The following POLI variants were observed in gnomAD, a reference collection of about 807,000 sequenced individuals.
POLI encodes the protein DNA polymerase iota, also known as RAD30 homolog B.
Under a neutral mutation model 51.6 loss-of-function variants are expected in POLI, and 58 were observed. That is an observed-to-expected ratio of 1.12 (90% CI 0.91 to 1.40). The LOEUF (loss-of-function observed/expected upper bound fraction) is 1.40. Ranked by LOEUF, POLI falls within the 40% of genes most tolerant of loss-of-function variation. POLI has a pLI of 0.00. For missense variants in POLI, 921 were observed against 871.3 expected, an observed-to-expected ratio of 1.06 and a Z score of -0.72; for synonymous variants, 322 against 299.7, an observed-to-expected ratio of 1.07 and a Z score of -0.77.
At chr18:54,271,149 C>G in intron 1 of POLI, 1 of 351,542 alleles carries the variant, frequency 2.8e-6, no homozygotes. Context: ...GAGAAAAACG[C>G]AGTGCACAAA....
downstream of POLI, among the ~76,000 whole-genome samples, chr18:54,299,470 T>C (rs908081351): frequency 1.3e-5 from 2 of 152,110 alleles, no homozygotes; most frequent in African/African-American, 4.8e-5. Context: ...TATAATAAAA[T>C]GTTGAATATC....
chr18:54,289,614 T>G lies in POLI; in HGVS notation c.1198+2203T>G, dbSNP rs112965579. Among the ~76,000 whole-genome samples, 1,134 of 145,060 alleles carry G rather than the reference T, an allele frequency of 7.8e-3. 27 individuals carry two copies. Among genetic ancestry groups the G allele is most frequent in the African/African-American group, 0.027 (1,077 of 39,396 alleles). On this transcript the variant is annotated intron_variant, in intron 8 of 9. Transcript: ENST00000579534. Reference sequence around the variant, plus strand: ...TACAGTAACCAAAACAGCATGGTACTGGCAGAAAAACAGAGATACAGAACA... The same window carrying G: ...TACAGTAACCAAAACAGCATGGTACGGGCAGAAAAACAGAGATACAGAACA...
At position 54,273,951 on chromosome 18, in the gene POLI, T is replaced by C; in HGVS notation, c.267T>C (p.Val89=). The part of the protein sequence containing the change: ...PLGVQQKYLV[V]TCNYEARKLG... ...GGGTTCAACAGAAATATTTGGTGGT[T>C]ACCTGCAACTATGAAGCTAGGAAAC... is the stretch of plus-strand genomic sequence containing the variant. Residue 89 remains valine, a synonymous_variant, in exon 3 of 10, where the codon GTT becomes GTC. Transcript: ENST00000579534. 2 of 1,562,536 alleles carry C rather than the reference T, an allele frequency of 1.3e-6. No homozygotes were observed. The highest frequency in any genetic ancestry group is 1.7e-6 in the Non-Finnish European group (2 of 1,155,994).
In POLI at chr18:54,310,287, A is replaced by T. The variant is rs1305824867; in HGVS notation, c.334-9986A>T. Among the ~76,000 whole-genome samples, 3 of 152,166 alleles carry T rather than the reference A, an allele frequency of 2.0e-5. No individual in the cohort carries two copies. In the East Asian group the frequency reaches 5.8e-4, roughly 29 times the overall value. The stretch of plus-strand genomic sequence containing the variant: ...TTTTCTAGTTCGCTGTTTTACTGAG[A>T]AGATAGTCCTTCAAGGTTCCTGAGC... On this transcript the variant is annotated intron_variant, in intron 3 of 4. Transcript: ENST00000579823.
intron 7 of POLI, among the ~76,000 whole-genome samples, chr18:54,285,501 G>T (rs978952850): frequency 2.1e-5 from 3 of 143,600 alleles, no homozygotes; most frequent in African/African-American, 7.9e-5. Context: ...TAAGTGACTT[G>T]CAAAAAAAAA....
Position 54,295,107 on chromosome 18 carries a change from G to A in POLI, c.*640G>A. ...AGGGTGGGGAGTTAAAGTGAGAGGA[G>A]GGTATATGTTATAGAGAACAGTGGT... On this transcript the variant is annotated 3_prime_UTR_variant, in exon 10 of 10. Coordinates refer to ENST00000579534, the MANE Select transcript of POLI (RefSeq NM_007195.3). 1 of 985,478 alleles carries A rather than the reference G, an allele frequency of 1.0e-6. No individual in the cohort carries two copies. The highest frequency in any genetic ancestry group is 1.2e-6 in the Non-Finnish European group (1 of 829,986). The allele number at this position is 985,478 out of a possible 1,614,324, so 61.0% of individuals were successfully genotyped here.
intron 2 of POLI, among the ~76,000 whole-genome samples, 160 bp downstream of exon 2, chr18:54,271,645 A>G (rs371343114): frequency 1.3e-5 from 2 of 152,204 alleles, no homozygotes; most frequent in African/African-American, 2.4e-5. Flanking sequence ...CCAAGTGTAA[A>G]TTTTACAAGC....
rs191663185 is a variant in POLI at position 54,311,127 on chromosome 18, C to T, written c.334-9146C>T. The stretch of plus-strand genomic sequence containing the variant: ...AGAAAGTGAAATCAGTATGCTGCCA[C>T]CCTGCCACTTCTTCTTGAAATCTGG... On this transcript the variant is annotated intron_variant, in intron 3 of 4. Coordinates refer to the POLI transcript ENST00000579823. The T allele has an allele frequency of 1.7e-5, 17 of 981,604 alleles. No individual in the cohort carries two copies. The East Asian group carries it at 1.9e-3, about 112-fold the overall frequency. The allele number at this position is 981,604 out of a possible 1,614,324, so 60.8% of individuals were successfully genotyped here.
intron 3 of POLI, among the ~76,000 whole-genome samples, chr18:54,306,697 C>T (rs1306614231): frequency 6.6e-6 from 1 of 152,150 alleles, no homozygotes; most frequent in Non-Finnish European, 1.5e-5. Context: ...GTGAATTCAT[C>T]TGTTCCTGGA....
At chr18:54,278,358 A>G (rs1037673526) in intron 4 of POLI, among the ~76,000 whole-genome samples, 1 of 152,214 alleles carries the variant, frequency 6.6e-6, no homozygotes, top group Admixed American at 6.5e-5. Context: ...TGGCTTCTTA[A>G]TATGCTTTTT....
In POLI at chr18:54,294,515, C is replaced by T. The variant is rs375194373; in HGVS notation, c.*48C>T. On this transcript the variant is annotated 3_prime_UTR_variant, in exon 10 of 10. Coordinates refer to ENST00000579534, the MANE Select transcript of POLI (RefSeq NM_007195.3). ...AAAAGCAAGGGAATACCATTATTTT[C>T]GGATTAGCGGTTTATTAAGCTCTTC... The T allele has an allele frequency of 1.7e-4, 257 of 1,515,110 alleles. No individual in the cohort carries two copies. The African/African-American group carries it at 2.8e-3, about 16-fold the overall frequency. The allele number at this position is 1,515,110 out of a possible 1,614,324, so 93.9% of individuals were successfully genotyped here.
At chr18:54,307,492 C>G (rs1231284172) in intron 3 of POLI, among the ~76,000 whole-genome samples, 2 of 152,142 alleles carry the variant, frequency 1.3e-5, no homozygotes, top group Non-Finnish European at 2.9e-5. Flanking sequence ...CTGAGGAGTG[C>G]TTTACCTCCA....
Position 54,294,882 on chromosome 18 carries a change from A to G in POLI, c.*415A>G, listed in dbSNP as rs1432382957. The G allele has an allele frequency of 1.0e-6, 1 of 984,090 alleles. No homozygotes were observed. Among genetic ancestry groups the G allele is most frequent in the Non-Finnish European group, 1.2e-6 (1 of 828,950 alleles). 61.0% of individuals were successfully genotyped at this position (984,090 alleles called of 1,614,324 possible). On this transcript the variant is annotated 3_prime_UTR_variant, in exon 10 of 10. Transcript: ENST00000579534. Reference sequence around the variant, plus strand: ...TTCAGCCTCTTAGGCTGAATAGCAAATCCTACTGCCAACTAACCTATTAAA... The same window carrying G: ...TTCAGCCTCTTAGGCTGAATAGCAAGTCCTACTGCCAACTAACCTATTAAA...
At position 54,296,872 on chromosome 18, in the gene POLI, A is replaced by T. The variant is rs775892231; in HGVS notation, c.*2405A>T. On this transcript the variant is annotated 3_prime_UTR_variant, in exon 10 of 10. Coordinates refer to ENST00000579534, the MANE Select transcript of POLI (RefSeq NM_007195.3). ...CTAATTTTTAAAAGTCAAATATATG[A>T]TATTTTTGATAATTTCAATATTTTA... The T allele has an allele frequency of 1.2e-6, 1 of 850,312 alleles. No homozygotes were observed. Among genetic ancestry groups the T allele is most frequent in the Admixed American group, 6.2e-5 (1 of 16,080 alleles). 52.7% of individuals were successfully genotyped at this position (850,312 alleles called of 1,614,324 possible).
chr18:54,289,558 T>G (rs557895722), intron 8 of POLI, among the ~76,000 whole-genome samples: 1 of 151,602 alleles, frequency 6.6e-6, no homozygotes, highest in African/African-American at 2.4e-5. Context: ...GGAGGCATCA[T>G]GCTACCTGAC....
At chr18:54,283,275 A>G (rs989469856) in intron 6 of POLI, among the ~76,000 whole-genome samples, 1 of 152,172 alleles carries the variant, frequency 6.6e-6, no homozygotes, top group Admixed American at 6.5e-5. Context: ...TATAATGCAT[A>G]TATGAGGCAA....
chr18:54,270,118 C>G, intron 1 of POLI: 1 of 797,934 alleles, frequency 1.3e-6, no homozygotes, highest in Non-Finnish European at 1.5e-6. Flanking sequence ...TCTCCGGTGA[C>G]CCACTTCCAG....
rs1224347316 is a variant in POLI, at chr18:54,293,546, T to C, written c.1405-103T>C. The C allele has an allele frequency of 1.5e-5, 11 of 747,866 alleles. No homozygotes were observed. The Middle Eastern group carries it at 1.2e-3, about 78-fold the overall frequency. 46.3% of individuals were successfully genotyped at this position (747,866 alleles called of 1,614,324 possible). A position where few individuals can be genotyped will look rare whatever the true frequency, so the allele number is the denominator to read the frequency against. On this transcript the variant is annotated intron_variant, in intron 9 of 9. Transcript: ENST00000579534. ...GCCACAAAGAGTTGTATTTGTTGAGTAGGTTAGAAACATGTCAGATAATAG... is the reference window on the plus strand; with the variant it reads ...GCCACAAAGAGTTGTATTTGTTGAGCAGGTTAGAAACATGTCAGATAATAG...
intron 8 of POLI, 157 bp downstream of exon 8, chr18:54,287,568 T>G (rs2087806280): frequency 1.8e-6 from 1 of 548,816 alleles, no homozygotes; most frequent in African/African-American, 1.9e-5. Flanking sequence ...TGGAAAACTT[T>G]GTTGTTTGTT....
Sources: gnomAD v4.1 joint callset for allele counts (sites outside exome capture counted in the v4.1 genomes callset) on GRCh38, gnomAD v4.1.1 for gene constraint, MANE v1.5 for transcripts, NCBI Gene and HGNC (gene_info 2026-07-23, HGNC 2026-07-21) for gene names.